Variants in RPGRIP1 observed in about 807,000 individuals in gnomAD.
The protein encoded by RPGRIP1 is X-linked retinitis pigmentosa GTPase regulator-interacting protein 1.
A neutral mutation model predicts 157.9 loss-of-function variants in RPGRIP1; 128 were observed. The observed-to-expected ratio is 0.81, with a 90% CI of 0.70 to 0.94. RPGRIP1 has a LOEUF of 0.94. RPGRIP1 is among the 40% of genes least tolerant of loss of function. The pLI is 0.00. For synonymous variants in RPGRIP1, 554 were observed against 571.6 expected, an observed-to-expected ratio of 0.97 and a Z score of 0.44; for missense variants, 1,486 against 1,545.8, an observed-to-expected ratio of 0.96 and a Z score of 0.65.
intron 12 of RPGRIP1, 89 bp from the exon 13 acceptor site, chr14:21,321,170 A>G: frequency 7.4e-7 from 1 of 1,349,710 alleles, no homozygotes. Flanking sequence ...CTGGCATTTT[A>G]CTACTACCAA....
intron 20 of RPGRIP1, among the ~76,000 whole-genome samples, chr14:21,331,905 T>C (rs1261094965): frequency 6.6e-6 from 1 of 151,096 alleles, no homozygotes; most frequent in Non-Finnish European, 1.5e-5. Flanking sequence ...GCTTTTTTTC[T>C]AAATCTCTAG....
chr14:21,301,057 G>A lies in RPGRIP1; in HGVS notation c.310G>A (p.Gly104Arg), dbSNP rs377018856. Residue 104 changes from glycine (G) to arginine (R), a missense_variant, in exon 4 of 25, where the codon GGG (glycine) becomes AGG (arginine). Physicochemically the swap from Gly to Arg is moderately radical, Grantham distance 125 (BLOSUM62 -2). Transcript: ENST00000400017. ...GCCGCTCTCGGAGACCGCAAGGCGC[G>A]GGCAGAAGGCGGGATGGCGGCAGCG... ...AAPLSETARR[G>R]QKAGWRQRLS... is the part of the protein sequence containing the mutation. 6.2e-7 allele frequency: 1 copy of A among 1,612,590 alleles called. No homozygotes were observed. The highest frequency in any genetic ancestry group is 1.3e-5 in the African/African-American group (1 of 74,910).
intron 1 of RPGRIP1, among the ~76,000 whole-genome samples, chr14:21,281,177 C>T (rs1880111713): frequency 6.6e-6 from 1 of 151,862 alleles, no homozygotes; most frequent in African/African-American, 2.4e-5. Context: ...ACCACCATGC[C>T]CAGCTAATTT....
In RPGRIP1 at chr14:21,324,737, T is replaced by A. The variant is rs1263339632; in HGVS notation, c.1882T>A (p.Phe628Ile). Residue 628 changes from phenylalanine (F) to isoleucine (I), a missense_variant, in exon 15 of 25, where the codon TTT becomes ATT. Coordinates refer to ENST00000400017, the MANE Select transcript of RPGRIP1 (RefSeq NM_020366.4). ...ISLLHQGENL[F>I]ELHIHQAFLT... ...TCTGCTGCATCAGGGTGAGAATCTT[T>A]TTGAACTGCACATCCACCAGGCCTT... is the stretch of plus-strand genomic sequence containing the variant. 1 of 1,614,052 alleles carries A rather than the reference T, an allele frequency of 6.2e-7. No individual in the cohort carries two copies. Among genetic ancestry groups the A allele is most frequent in the Admixed American group, 1.7e-5 (1 of 60,018 alleles).
chr14:21,298,920 A>G (rs1880907482), intron 3 of RPGRIP1, among the ~76,000 whole-genome samples: 1 of 147,128 alleles, frequency 6.8e-6, no homozygotes, highest in Non-Finnish European at 1.5e-5. Flanking sequence ...AGCCTGAGCA[A>G]CAGAGTGAGA....
At chr14:21,313,009 A>AT (rs1014771459) in intron 10 of RPGRIP1, among the ~76,000 whole-genome samples, 5 of 150,610 alleles carry the variant, frequency 3.3e-5, no homozygotes, top group African/African-American at 1.2e-4. Flanking sequence ...ATTTTTTTCT[A>AT]TTTTTTTGTA....
chr14:21,343,170 T>G lies in RPGRIP1; in HGVS notation c.3474T>G (p.Thr1158=). ...ACCTACCCTTGTCGGAGACAGAGACTCCAGTGTCCCTAAGGAAGCCTAGGG... is the reference window on the plus strand; with the variant it reads ...ACCTACCCTTGTCGGAGACAGAGACGCCAGTGTCCCTAAGGAAGCCTAGGG... ...FYDLPLSETE[T]PVSLRKPRAG... The change falls in exon 22 of 25, where the codon ACT becomes ACG. Residue 1158 remains threonine, a synonymous_variant. Transcript: ENST00000400017. The G allele has an allele frequency of 6.2e-7, 1 of 1,613,662 alleles. No homozygotes were observed. Among genetic ancestry groups the G allele is most frequent in the Non-Finnish European group, 8.5e-7 (1 of 1,179,730 alleles).
chr14:21,329,302 G>C (rs1304678905), intron 19 of RPGRIP1, among the ~76,000 whole-genome samples: 6 of 151,752 alleles, frequency 4.0e-5, no homozygotes, highest in African/African-American at 1.5e-4. Context: ...CTGGGCGACA[G>C]AGCAAGACTC....
intron 2 of RPGRIP1, among the ~76,000 whole-genome samples, chr14:21,292,461 C>T (rs1184933426): frequency 2.0e-5 from 3 of 152,160 alleles, no homozygotes; most frequent in Non-Finnish European, 4.4e-5. Flanking sequence ...TGACTCATGC[C>T]TGTAATCTCA....
rs190620426 is a variant in RPGRIP1 at position 21,331,051 on chromosome 14, A to G, written c.3238+664A>G. On this transcript the variant is annotated intron_variant, in intron 20 of 24. Coordinates refer to ENST00000400017, the MANE Select transcript of RPGRIP1 (RefSeq NM_020366.4). The stretch of plus-strand genomic sequence containing the variant: ...CAGCCTCCCGAGTAGCTGGGATTAC[A>G]GGTATGTGCCACCATCCCCGGCTAA... Among the ~76,000 whole-genome samples, 4 of 151,942 alleles carry G rather than the reference A, an allele frequency of 2.6e-5. No individual in the cohort carries two copies. The East Asian group carries it at 8.0e-4, about 30-fold the overall frequency.
intron 8 of RPGRIP1, chr14:21,311,028 C>A: frequency 2.2e-6 from 1 of 464,714 alleles, no homozygotes; most frequent in Non-Finnish European, 4.3e-6. Context: ...AGGTGAATGT[C>A]TGTGCTTAAG....
intron 21 of RPGRIP1, among the ~76,000 whole-genome samples, chr14:21,341,455 T>C (rs1453088006): frequency 6.6e-6 from 1 of 151,982 alleles, no homozygotes; most frequent in African/African-American, 2.4e-5. Flanking sequence ...GAAGAAAAGA[T>C]GGGGTAAGAG....
At chr14:21,343,881 T>TG (rs1885288750) in intron 22 of RPGRIP1, among the ~76,000 whole-genome samples, 1 of 67,860 alleles carries the variant, frequency 1.5e-5, no homozygotes, top group Non-Finnish European at 3.5e-5. Flanking sequence ...TTTTTTTTTT[T>TG]TTTTTTTTTT....
At chr14:21,303,026 T>A (rs1881106536) in intron 5 of RPGRIP1, 1 of 290,760 alleles carries the variant, frequency 3.4e-6, no homozygotes, top group African/African-American at 2.2e-5. Context: ...TGTGCCACCA[T>A]GCCCAGCTAA....
intron 21 of RPGRIP1, among the ~76,000 whole-genome samples, chr14:21,340,377 G>A (rs567282551): frequency 5.3e-5 from 8 of 152,300 alleles, no homozygotes; most frequent in African/African-American, 9.6e-5. Flanking sequence ...TAATGGGGCC[G>A]GGCGCAATGG....
chr14:21,294,582 A>T (rs1417178446), intron 2 of RPGRIP1, 95 bp from the exon 3 acceptor site: 6 of 1,263,914 alleles, frequency 4.7e-6, no homozygotes, highest in African/African-American at 3.0e-5. Flanking sequence ...CTCAAGATAG[A>T]TTTATGCTCT....
chr14:21,330,330 G>A lies in RPGRIP1; in HGVS notation c.3181G>A (p.Glu1061Lys). The stretch of plus-strand genomic sequence containing the variant: ...CTTTAAAAATCAGCACGAGGAAGAG[G>A]AAATGACATTATCCCATTCAGCACT... ...DGFKNQHEEE[E>K]MTLSHSALKQ... The change falls in exon 20 of 25, where the codon GAA (glutamate) becomes AAA (lysine). Residue 1061 changes from glutamate to lysine, a missense_variant. Physicochemically the swap from Glu to Lys is moderately conservative, Grantham distance 56. Coordinates refer to ENST00000400017, the MANE Select transcript of RPGRIP1 (RefSeq NM_020366.4). The A allele has an allele frequency of 6.3e-7, 1 of 1,581,156 alleles. No homozygotes were observed. The highest frequency in any genetic ancestry group is 8.6e-7 in the Non-Finnish European group (1 of 1,166,678).
In RPGRIP1 at chr14:21,294,827, T is replaced by TA. The variant is rs1880695260; in HGVS notation, c.218+21dup. 2 of 1,228,718 alleles carry TA rather than the reference T, an allele frequency of 1.6e-6. No individual in the cohort carries two copies. Among genetic ancestry groups the TA allele is most frequent in the Admixed American group, 3.6e-5 (1 of 27,492 alleles). The allele number at this position is 1,228,718 out of a possible 1,614,324, so 76.1% of individuals were successfully genotyped here. A position where few individuals can be genotyped will look rare whatever the true frequency, so the allele number is the denominator to read the frequency against. On this transcript the variant is annotated intron_variant, in intron 3 of 24. Transcript: ENST00000400017. Reference sequence around the variant, plus strand: ...ATCAAAAGGTACTTAGAGTTCTCCTTAAATTTTTTTTTTTTTTTTTTTTTT... The same window carrying TA: ...ATCAAAAGGTACTTAGAGTTCTCCTTAAAATTTTTTTTTTTTTTTTTTTTTT...
chr14:21,324,800 C>CA lies in RPGRIP1; in HGVS notation c.1947dup (p.Pro650ThrfsTer11). ...CGCCCTAGCTCAGGCTGGAGATACCCAACCTACCACTTTCTGCACCTATTC... is the reference window on the plus strand; with the variant it reads ...CGCCCTAGCTCAGGCTGGAGATACCCAAACCTACCACTTTCTGCACCTATTC... On this transcript the variant is annotated frameshift_variant, in exon 15 of 25. Transcript: ENST00000400017. LOFTEE classifies it high-confidence loss of function. 6.2e-7 allele frequency: 1 copy of CA among 1,614,056 alleles called. No homozygotes were observed. The highest frequency in any genetic ancestry group is 8.5e-7 in the Non-Finnish European group (1 of 1,179,904).
Sources: allele counts gnomAD v4.1 joint callset (sites outside exome capture counted in the v4.1 genomes callset), GRCh38; gene constraint gnomAD v4.1.1; transcripts MANE v1.5; gene names NCBI Gene and HGNC (gene_info 2026-07-23, HGNC 2026-07-21).